Variants in PRAMEF2 observed in about 807,000 individuals in gnomAD.
PRAMEF2 encodes PRAME family member 2.
Under a neutral mutation model 38.0 loss-of-function variants are expected in PRAMEF2, and 35 were observed. That is an observed-to-expected ratio of 0.92 (90% confidence interval 0.70 to 1.22). PRAMEF2 has a LOEUF of 1.22. Among genes scored for constraint, PRAMEF2 ranks in the 50% most tolerant of loss-of-function variants. The pLI is 0.00. For synonymous variants in PRAMEF2, 240 were observed against 232.4 expected (o/e 1.03, Z -0.30); for missense variants, 562 against 553.9 (o/e 1.01, Z -0.15).
chr1:12,861,279 G>A lies in PRAMEF2; in HGVS notation c.925G>A (p.Asp309Asn), dbSNP rs766740595. 6 of 1,607,468 alleles carry A rather than the reference G, an allele frequency of 3.7e-6. No individual in the cohort carries two copies. The highest frequency in any genetic ancestry group is 1.7e-5 in the Admixed American group (1 of 58,180). ...AACTTGTGGCAACCTATTAGAAGAG[G>A]ACTTGAAGTGTCTCTCCCAGTTCCC... ...ELTCGNLLEE[D>N]LKCLSQFPSL... The change falls in exon 4 of 4, where the codon GAC becomes AAC. Residue 309 changes from aspartate to asparagine, a missense_variant. Physicochemically the swap from Asp to Asn is conservative, Grantham distance 23 (BLOSUM62 1). Around this residue, in one of 2 missense-constraint regions of PRAMEF2, gnomAD observed 486 missense variants for 444.2 expected, o/e 1.09. Transcript: ENST00000240189.
In PRAMEF2 at chr1:12,861,416, C is replaced by T. The variant is rs199719282; in HGVS notation, c.1062C>T (p.Leu354=). ...LEKIAASLET[L]VLEGCQIHYS... is the part of the protein sequence containing the mutation. ...AAATTGCTGCCTCTCTCGAGACCCT[C>T]GTGTTAGAGGGCTGTCAGATCCACT... is the stretch of plus-strand genomic sequence containing the variant. The change falls in exon 4 of 4, where the codon CTC becomes CTT. Residue 354 remains leucine, a synonymous_variant. Coordinates refer to ENST00000240189, the MANE Select transcript of PRAMEF2 (RefSeq NM_023014.1). 91 of 1,602,490 alleles carry T rather than the reference C, an allele frequency of 5.7e-5. 1 individual carries two copies. Among genetic ancestry groups the T allele is most frequent in the Non-Finnish European group, 2.6e-5 (31 of 1,174,562 alleles).
Position 12,861,709 on chromosome 1 carries a change from T to G in PRAMEF2, c.1355T>G (p.Ile452Ser). 1.3e-6 allele frequency: 2 copies of G among 1,584,428 alleles called. No individual in the cohort carries two copies. The highest frequency in any genetic ancestry group is 1.7e-6 in the Non-Finnish European group (2 of 1,163,828). The change falls in exon 4 of 4, where the codon ATT becomes AGT. Residue 452 changes from isoleucine to serine, a missense_variant. This residue lies in a region of PRAMEF2 where 76 missense variants were observed against 109.6 expected (regional missense o/e 0.69). Transcript: ENST00000240189. ...REFRQPKRIF[I>S]GPTPCPSCGS... ...TTCAGGCAGCCCAAGAGGATCTTCA[T>G]TGGCCCCACCCCCTGCCCTTCCTGT...
Position 12,859,683 on chromosome 1 carries a change from T to A in PRAMEF2, c.288-10T>A, listed in dbSNP as rs2100389984. 1 of 1,606,106 alleles carries A rather than the reference T, an allele frequency of 6.2e-7. No homozygotes were observed. Among genetic ancestry groups the A allele is most frequent in the South Asian group, 1.1e-5 (1 of 90,794 alleles). On this transcript the variant is annotated splice_polypyrimidine_tract_variant and intron_variant, in intron 2 of 3. Transcript: ENST00000240189. ...CTAAATTCTGAGCCTCTCCCTTACT[T>A]TACCCACAGGAGGTGGAAACTTCAA... is the stretch of plus-strand genomic sequence containing the variant.
rs1640550104 is a variant in PRAMEF2, at chr1:12,861,442, A to G, written c.1088A>G (p.Tyr363Cys). ...TLVLEGCQIH[Y>C]SQLSAILPGL... is the part of the protein sequence containing the mutation. ...GTGTTAGAGGGCTGTCAGATCCACT[A>G]CTCCCAACTCAGTGCCATCCTGCCT... Residue 363 changes from tyrosine to cysteine, a missense_variant, in exon 4 of 4, where the codon TAC (tyrosine) becomes TGC (cysteine). Tyr to Cys is a radical substitution (Grantham distance 194). Transcript: ENST00000240189. The G allele has an allele frequency of 2.5e-6, 4 of 1,602,932 alleles. No homozygotes were observed. The highest frequency in any genetic ancestry group is 3.4e-6 in the Non-Finnish European group (4 of 1,175,802).
intron 1 of PRAMEF2, among the ~76,000 whole-genome samples, chr1:12,858,780 C>T (rs777257730): frequency 1.3e-5 from 2 of 149,196 alleles, no homozygotes; most frequent in African/African-American, 2.5e-5. Context: ...GTCTCTTTGA[C>T]CCCTCCCTCC....
Position 12,861,850 on chromosome 1 carries a change from T to C in PRAMEF2, c.*71T>C, listed in dbSNP as rs1427688809. ...GGCACTTGGACACTAAAATCTACTA[T>C]GTAGGTGCAAACTATTTTTCTCTTT... On this transcript the variant is annotated 3_prime_UTR_variant, in exon 4 of 4. Coordinates refer to ENST00000240189, the MANE Select transcript of PRAMEF2 (RefSeq NM_023014.1). 5.2e-6 allele frequency: 8 copies of C among 1,534,306 alleles called. 1 individual carries two copies. Among genetic ancestry groups the C allele is most frequent in the Admixed American group, 2.2e-5 (1 of 44,894 alleles).
chr1:12,857,590 C>T (rs56400968), intron 1 of PRAMEF2, among the ~76,000 whole-genome samples: 19,326 of 136,768 alleles, frequency 0.14, 3,870 homozygotes, highest in African/African-American at 0.18. Context: ...ACCCTAGGAT[C>T]GATCCATCAA....
At chr1:12,858,047 A>G (rs1640475073) in intron 1 of PRAMEF2, among the ~76,000 whole-genome samples, 2 of 147,912 alleles carry the variant, frequency 1.4e-5, no homozygotes, top group Admixed American at 1.4e-4. Flanking sequence ...GAATACCATC[A>G]CACCACTTTT....
In PRAMEF2 at chr1:12,857,717, G is replaced by C. The variant is rs571194111; in HGVS notation, c.-26+570G>C. Among the ~76,000 whole-genome samples the C allele has an allele frequency of 4.8e-4, 67 of 139,442 alleles. 12 individuals carry two copies. The highest frequency in any genetic ancestry group is 1.5e-3 in the African/African-American group (55 of 35,886). 91.5% of individuals were successfully genotyped at this position (139,442 alleles called of 152,430 possible). ...ACAGTTTCTGGTTGATTTTTTTTTTGAGATGGAGTTTCCCTATTGTTGCCC... is the reference window on the plus strand; with the variant it reads ...ACAGTTTCTGGTTGATTTTTTTTTTCAGATGGAGTTTCCCTATTGTTGCCC... On this transcript the variant is annotated intron_variant, in intron 1 of 3. Coordinates refer to ENST00000240189, the MANE Select transcript of PRAMEF2 (RefSeq NM_023014.1).
At chr1:12,860,692 A>G (rs754189730) in intron 3 of PRAMEF2, among the ~76,000 whole-genome samples, 2 of 150,438 alleles carry the variant, frequency 1.3e-5, no homozygotes, top group Non-Finnish European at 3.0e-5. Flanking sequence ...AGTGATCACG[A>G]ATGATCCTGT....
chr1:12,859,426 G>A lies in PRAMEF2; in HGVS notation c.287+130G>A, dbSNP rs1233291415. ...GGTGTTGGCGAGGAAGCTCAGGGAGGCTTTGGCCATTGTCCAGATCCTCAG... is the reference window on the plus strand; with the variant it reads ...GGTGTTGGCGAGGAAGCTCAGGGAGACTTTGGCCATTGTCCAGATCCTCAG... On this transcript the variant is annotated intron_variant, in intron 2 of 3. Coordinates refer to ENST00000240189, the MANE Select transcript of PRAMEF2 (RefSeq NM_023014.1). 179 of 1,526,640 alleles carry A rather than the reference G, an allele frequency of 1.2e-4. 2 individuals are homozygous for A. Among genetic ancestry groups the A allele is most frequent in the South Asian group, 4.4e-4 (36 of 81,148 alleles). 94.6% of individuals were successfully genotyped at this position (1,526,640 alleles called of 1,614,324 possible).
intron 3 of PRAMEF2, among the ~76,000 whole-genome samples, chr1:12,860,543 G>A (rs553997255): frequency 6.7e-6 from 1 of 149,734 alleles, no homozygotes. Flanking sequence ...CTCTATTGGG[G>A]GTGCACGTGT....
chr1:12,861,802 G>C lies in PRAMEF2; in HGVS notation c.*23G>C. 1.3e-6 allele frequency: 2 copies of C among 1,577,012 alleles called. No homozygotes were observed. The highest frequency in any genetic ancestry group is 1.1e-5 in the South Asian group (1 of 87,192). ...TAGGGAAGGCGTGCCCAGTGGGGTA[G>C]AGAAATCCAAAGTTCTCTTCCAGGC... On this transcript the variant is annotated 3_prime_UTR_variant, in exon 4 of 4. Coordinates refer to ENST00000240189, the MANE Select transcript of PRAMEF2 (RefSeq NM_023014.1).
rs1462846657 is a variant in PRAMEF2 at position 12,861,357 on chromosome 1, A to C, written c.1003A>C (p.Ile335Leu). Residue 335 changes from isoleucine (I) to leucine (L), a missense_variant, in exon 4 of 4, where the codon ATC becomes CTC. Ile to Leu is a conservative substitution (Grantham distance 5). This residue lies in a region of PRAMEF2 where 486 missense variants were observed against 444.2 expected (regional missense o/e 1.09). Transcript: ENST00000240189. ...LNLSYVLLFR[I>L]SLEPLGALLE... ...TCTCAGCTACGTGCTGCTGTTCCGC[A>C]TCAGTCTTGAACCCCTAGGAGCTCT... 6.2e-7 allele frequency: 1 copy of C among 1,606,670 alleles called. No homozygotes were observed. The highest frequency in any genetic ancestry group is 8.5e-7 in the Non-Finnish European group (1 of 1,176,564).
intron 1 of PRAMEF2, among the ~76,000 whole-genome samples, chr1:12,858,743 C>T (rs554982743): frequency 6.7e-6 from 1 of 149,622 alleles, no homozygotes; most frequent in African/African-American, 2.4e-5. Context: ...TTCAGTGGAG[C>T]GAAGGATGAA....
At chr1:12,859,622 G>A in intron 2 of PRAMEF2, 71 bp from the exon 3 acceptor site, 2 of 1,591,900 alleles carry the variant, frequency 1.3e-6, no homozygotes, top group Non-Finnish European at 8.6e-7. Context: ...TGATTTATGG[G>A]ATGAGAATGA....
intron 1 of PRAMEF2, among the ~76,000 whole-genome samples, chr1:12,858,224 C>T (rs11122008): frequency 0.099 from 14,834 of 149,364 alleles, 1,123 homozygotes; most frequent in Non-Finnish European, 0.11. Context: ...TCATGCATGA[C>T]CACACCTGGC....
At position 12,859,884 on chromosome 1, in the gene PRAMEF2, A is replaced by G. The variant is rs1158246754; in HGVS notation, c.479A>G (p.Gln160Arg). The G allele has an allele frequency of 3.1e-6, 5 of 1,608,298 alleles. No individual in the cohort carries two copies. The South Asian group carries it at 3.3e-5, about 11-fold the overall frequency. ...FIDICLKEIP[Q>R]DECLRYLFQW... Reference sequence around the variant, plus strand: ...GACATCTGCCTCAAGGAAATACCCCAGGATGAATGCCTGAGATACCTCTTC... The same window carrying G: ...GACATCTGCCTCAAGGAAATACCCCGGGATGAATGCCTGAGATACCTCTTC... Residue 160 changes from glutamine to arginine, a missense_variant, in exon 3 of 4, where the codon CAG becomes CGG. Gln to Arg is a conservative substitution (Grantham distance 43). Around this residue, in one of 2 missense-constraint regions of PRAMEF2, gnomAD observed 486 missense variants for 444.2 expected, o/e 1.09. Coordinates refer to ENST00000240189, the MANE Select transcript of PRAMEF2 (RefSeq NM_023014.1).
In PRAMEF2 at chr1:12,859,749, G is replaced by A. The variant is rs201548695; in HGVS notation, c.344G>A (p.Arg115Lys). The change falls in exon 3 of 4, where the codon AGA (arginine) becomes AAA (lysine). Residue 115 changes from arginine (R) to lysine (K), a missense_variant. By Grantham distance (26) the Arg-to-Lys change is conservative. This residue lies in a region of PRAMEF2 where 486 missense variants were observed against 444.2 expected (regional missense o/e 1.09). Coordinates refer to ENST00000240189, the MANE Select transcript of PRAMEF2 (RefSeq NM_023014.1). Reference protein sequence around the residue: ...LRDVDENFWARWPGAWALSCF... With the variant: ...LRDVDENFWAKWPGAWALSCF... ...GATGTTGATGAGAATTTCTGGGCCA[G>A]ATGGCCTGGAGCCTGGGCCCTGTCC... 3 of 1,594,616 alleles carry A rather than the reference G, an allele frequency of 1.9e-6. No individual in the cohort carries two copies. The highest frequency in any genetic ancestry group is 1.1e-5 in the South Asian group (1 of 89,814).
Sources: gnomAD v4.1 joint callset for allele counts (sites outside exome capture counted in the v4.1 genomes callset) on GRCh38, gnomAD v4.1.1 for gene constraint, gnomAD v4.1.1 regional missense constraint, MANE v1.5 for transcripts, NCBI Gene and HGNC (gene_info 2026-07-23, HGNC 2026-07-21) for gene names.